The following FRMD3 variants were observed in gnomAD, a reference collection of about 807,000 sequenced individuals.
FRMD3 encodes FERM domain-containing protein 3.
FRMD3 carries 33 observed loss-of-function variants against 70.2 expected under a neutral mutation model. That is an observed-to-expected ratio of 0.47 (90% CI 0.36 to 0.63). FRMD3 has a LOEUF of 0.63. Among genes scored for constraint, FRMD3 ranks in the 20% least tolerant of loss-of-function variants. The probability of loss-of-function intolerance (pLI) is 0.00; values close to 1 mark genes in which losing one functional copy is unlikely to be tolerated. For synonymous variants in FRMD3, 279 were observed against 255.9 expected, an observed-to-expected ratio of 1.09 and a Z score of -0.86; for missense variants, 632 against 711.4, an observed-to-expected ratio of 0.89 and a Z score of 1.27.
the FRMD3 span, among the ~76,000 whole-genome samples, chr9:83,547,272 CTTT>C: frequency 6.8e-6 from 1 of 147,888 alleles, no homozygotes; most frequent in Non-Finnish European, 1.5e-5. Context: ...TAATGACCTT[CTTT>C]GTCATTATAT....
At chr9:83,517,822 G>A (rs1182417497) in intron 1 of FRMD3, among the ~76,000 whole-genome samples, 3 of 152,166 alleles carry the variant, frequency 2.0e-5, no homozygotes, top group South Asian at 2.1e-4. Flanking sequence ...GGGATGCAAC[G>A]CTGATTCAAC....
In FRMD3 at chr9:83,439,435, G is replaced by C. The variant is rs1248938751; in HGVS notation, c.148-49727C>G. ...GGAGCCTACTGATGGCTTGCAATGG[G>C]CCAGGGAAAGCATTCAGTCTTCACT... On this transcript the variant is annotated intron_variant, in intron 1 of 13. Coordinates refer to ENST00000304195, the MANE Select transcript of FRMD3 (RefSeq NM_174938.6). Among the ~76,000 whole-genome samples the C allele has an allele frequency of 2.0e-5, 3 of 152,190 alleles. No homozygotes were observed. In the East Asian group the frequency reaches 5.8e-4, roughly 29 times the overall value.
At chr9:83,481,694 C>A (rs1015570027) in intron 1 of FRMD3, among the ~76,000 whole-genome samples, 2 of 152,080 alleles carry the variant, frequency 1.3e-5, no homozygotes, top group Admixed American at 6.6e-5. Flanking sequence ...AAGAATAATT[C>A]TATGGGACAT....
chr9:83,422,875 A>G (rs1826684990), intron 1 of FRMD3, among the ~76,000 whole-genome samples: 1 of 152,220 alleles, frequency 6.6e-6, no homozygotes, highest in Non-Finnish European at 1.5e-5. Context: ...TGCTTAAACC[A>G]TCACAGTAAC....
chr9:83,312,117 G>C (rs1401418570), intron 7 of FRMD3, 142 bp from the exon 8 acceptor site: 1 of 654,034 alleles, frequency 1.5e-6, no homozygotes, highest in Non-Finnish European at 2.5e-6. Flanking sequence ...CTAAGTTTCT[G>C]AGATGGAACT....
intron 1 of FRMD3, among the ~76,000 whole-genome samples, chr9:83,513,730 G>A (rs980213980): frequency 5.9e-5 from 9 of 152,188 alleles, no homozygotes; most frequent in African/African-American, 2.2e-4. Context: ...AACACAGAGG[G>A]TGGGTGATTT....
Position 83,247,381 on chromosome 9 carries a change from C to CT in FRMD3, c.*536dup, listed in dbSNP as rs1317725373. On this transcript the variant is annotated 3_prime_UTR_variant, in exon 14 of 14. Transcript: ENST00000304195. ...TGTACATGTAAATAACTCCAGGAGG[C>CT]TTCTTTTTTTTTTTTGCTAAAAATT... The CT allele has an allele frequency of 1.2e-6, 1 of 818,894 alleles. No homozygotes were observed. Among genetic ancestry groups the CT allele is most frequent in the East Asian group, 3.4e-4 (1 of 2,954 alleles). 50.7% of individuals were successfully genotyped at this position (818,894 alleles called of 1,614,324 possible). A position where few individuals can be genotyped will look rare whatever the true frequency, so the allele number is the denominator to read the frequency against.
In FRMD3 at chr9:83,408,400, G is replaced by A. The variant is rs192349689; in HGVS notation, c.148-18692C>T. Among the ~76,000 whole-genome samples the A allele has an allele frequency of 4.1e-4, 63 of 152,230 alleles. 1 individual carries two copies. In the Middle Eastern group the frequency reaches 0.017, roughly 41 times the overall value. On this transcript the variant is annotated intron_variant, in intron 1 of 13. Transcript: ENST00000304195. Reference sequence around the variant, plus strand: ...TGGGGCTTTCTGCCCTCACCAGGTTGTCATGTCCTAAGAACCCCCACTGGG... The same window carrying A: ...TGGGGCTTTCTGCCCTCACCAGGTTATCATGTCCTAAGAACCCCCACTGGG...
chr9:83,448,525 T>G (rs990184648), intron 1 of FRMD3, among the ~76,000 whole-genome samples: 25 of 152,086 alleles, frequency 1.6e-4, no homozygotes, highest in Non-Finnish European at 3.4e-4. Flanking sequence ...AGAGGTGCAT[T>G]TGCAGTCTTC....
chr9:83,249,231 T>A (rs1832286311), intron 13 of FRMD3, among the ~76,000 whole-genome samples: 1 of 152,232 alleles, frequency 6.6e-6, no homozygotes, highest in South Asian at 2.1e-4. Flanking sequence ...TTTCCCCTCT[T>A]GTTTTAGTTC....
chr9:83,447,663 A>G (rs1411464641), intron 1 of FRMD3, among the ~76,000 whole-genome samples: 2 of 152,182 alleles, frequency 1.3e-5, no homozygotes, highest in African/African-American at 2.4e-5. Context: ...AGACAGGCCC[A>G]GGGAGGGCAC....
chr9:83,479,789 A>AGGAG (rs1360350338), intron 1 of FRMD3, among the ~76,000 whole-genome samples: 7 of 15,104 alleles, frequency 4.6e-4, no homozygotes, highest in African/African-American at 2.3e-3. Flanking sequence ...GAGGGAGGGA[A>AGGAG]GGAAGGAAGG....
At chr9:83,414,028 G>T (rs1324406007) in intron 1 of FRMD3, among the ~76,000 whole-genome samples, 1 of 152,122 alleles carries the variant, frequency 6.6e-6, no homozygotes, top group African/African-American at 2.4e-5. Flanking sequence ...AGAAAGCTTA[G>T]AGTTAACACT....
At chr9:83,564,015 A>G in the FRMD3 span, among the ~76,000 whole-genome samples, 1 of 152,070 alleles carries the variant, frequency 6.6e-6, no homozygotes, top group Non-Finnish European at 1.5e-5. Flanking sequence ...CCCTTCCTTC[A>G]TCTGTATCAG....
At chr9:83,585,002 C>A in the FRMD3 span, among the ~76,000 whole-genome samples, 5,228 of 152,244 alleles carry the variant, frequency 0.034, 324 homozygotes, top group African/African-American at 0.12. Flanking sequence ...TCGTTTAAGT[C>A]TGAGGTTTCT....
At chr9:83,492,591 T>A (rs1025759752) in intron 1 of FRMD3, among the ~76,000 whole-genome samples, 1 of 152,192 alleles carries the variant, frequency 6.6e-6, no homozygotes, top group Non-Finnish European at 1.5e-5. Flanking sequence ...TAGTGGCTAC[T>A]GTTCATCCAC....
At chr9:83,461,201 A>C (rs372786226) in intron 1 of FRMD3, among the ~76,000 whole-genome samples, 1 of 152,244 alleles carries the variant, frequency 6.6e-6, no homozygotes, top group Non-Finnish European at 1.5e-5. Context: ...TAGACGTGGA[A>C]GAAGGGAACA....
chr9:83,576,113 T>C, the FRMD3 span, among the ~76,000 whole-genome samples: 1 of 152,008 alleles, frequency 6.6e-6, no homozygotes, highest in South Asian at 2.1e-4. Flanking sequence ...TACAGATCAA[T>C]ACCTCTTACA....
chr9:83,357,847 G>A (rs1453121266), intron 3 of FRMD3, among the ~76,000 whole-genome samples: 1 of 152,184 alleles, frequency 6.6e-6, no homozygotes, highest in African/African-American at 2.4e-5. Context: ...TGTATAGATT[G>A]TGAAGATTGT....
Sources: allele counts gnomAD v4.1 joint callset (sites outside exome capture counted in the v4.1 genomes callset), GRCh38; gene constraint gnomAD v4.1.1; transcripts MANE v1.5; gene names NCBI Gene and HGNC (gene_info 2026-07-23, HGNC 2026-07-21).